MLIP: variants seen among roughly 807,000 people sequenced by gnomAD.
MLIP encodes muscular LMNA-interacting protein.
MLIP carries 79 observed loss-of-function variants against 84.8 expected under a neutral mutation model. That is an observed-to-expected ratio of 0.93 (90% CI 0.78 to 1.12). The LOEUF (loss-of-function observed/expected upper bound fraction) is 1.12, where lower values mean the gene tolerates loss of function less well. Among genes scored for constraint, MLIP ranks in the 50% most tolerant of loss-of-function variants. MLIP has a pLI of 0.00. For synonymous variants in MLIP, 504 were observed against 463.0 expected (o/e 1.09, Z -1.14); for missense variants, 1,257 against 1,160.6 (o/e 1.08, Z -1.21).
In MLIP at chr6:54,230,365, T is replaced by C. The variant is rs1780900355; in HGVS notation, c.2719-349T>C. Among the ~76,000 whole-genome samples, 4 of 152,284 alleles carry C rather than the reference T, an allele frequency of 2.6e-5. No homozygotes were observed. In the South Asian group the frequency reaches 8.3e-4, roughly 32 times the overall value. On this transcript the variant is annotated intron_variant, in intron 11 of 13. Transcript: ENST00000502396. ...TTTCCATGACTACCTACCTCTTCCA[T>C]GAAGATGTTCCTAACCCCAGCCCAC...
intron 1 of MLIP, among the ~76,000 whole-genome samples, chr6:54,057,309 G>T (rs559122276): frequency 6.6e-6 from 1 of 152,178 alleles, no homozygotes; most frequent in Non-Finnish European, 1.5e-5. Context: ...ACTTTGGAAG[G>T]TTTCTAAGTT....
At chr6:54,106,190 C>G (rs1355775050) in intron 1 of MLIP, among the ~76,000 whole-genome samples, 1 of 152,110 alleles carries the variant, frequency 6.6e-6, no homozygotes. Flanking sequence ...GAATGGATTC[C>G]TCTCTAGAGT....
chr6:54,124,989 A>G (rs1427449986), intron 3 of MLIP, 124 bp downstream of exon 3: 2 of 733,326 alleles, frequency 2.7e-6, no homozygotes, highest in Non-Finnish European at 4.1e-6. Context: ...AATATATTTA[A>G]AAAACCATTA....
chr6:54,190,997 A>G (rs952737204), intron 10 of MLIP, among the ~76,000 whole-genome samples: 4 of 151,722 alleles, frequency 2.6e-5, no homozygotes, highest in Non-Finnish European at 5.9e-5. Flanking sequence ...GGGTTTCACC[A>G]TTTAAGCCAG....
rs576345676 is a variant in MLIP at position 54,151,439 on chromosome 6, A to G, written c.2289+2312A>G. ...ACTTTATCTTAATGCCACTGAAATA[A>G]AAGGGATTTATTTCTGAATTGAGTG... is the stretch of plus-strand genomic sequence containing the variant. On this transcript the variant is annotated intron_variant, in intron 5 of 13. Coordinates refer to ENST00000502396, the MANE Select transcript of MLIP (RefSeq NM_001281747.2). Among the ~76,000 whole-genome samples, 30 of 152,258 alleles carry G rather than the reference A, an allele frequency of 2.0e-4. No individual in the cohort carries two copies. In the East Asian group the frequency reaches 5.2e-3, roughly 26 times the overall value.
intron 11 of MLIP, among the ~76,000 whole-genome samples, chr6:54,213,730 A>AC (rs1173867582): frequency 0.041 from 3,157 of 76,826 alleles, 740 homozygotes; most frequent in East Asian, 0.28. Flanking sequence ...AAAAAAAAAA[A>AC]AAAAAACAAC....
intron 1 of MLIP, among the ~76,000 whole-genome samples, chr6:54,047,787 G>A (rs73744127): frequency 0.027 from 4,150 of 152,318 alleles, 164 homozygotes; most frequent in African/African-American, 0.094. Flanking sequence ...ACTGTGCTAT[G>A]CACATAGATT....
intron 1 of MLIP, among the ~76,000 whole-genome samples, chr6:54,100,893 A>C (rs1013355503): frequency 1.3e-5 from 2 of 152,148 alleles, no homozygotes; most frequent in Non-Finnish European, 2.9e-5. Flanking sequence ...TTTGCCCAGG[A>C]TGAAAATTAC....
intron 9 of MLIP, among the ~76,000 whole-genome samples, chr6:54,172,922 TG>T (rs1402052012): frequency 6.6e-6 from 1 of 151,644 alleles, no homozygotes; most frequent in South Asian, 2.1e-4. Flanking sequence ...ATAATTTAAT[TG>T]AGATTCTTTT....
At chr6:54,040,182 T>C (rs1764664119) in intron 1 of MLIP, among the ~76,000 whole-genome samples, 1 of 152,018 alleles carries the variant, frequency 6.6e-6, no homozygotes, top group Non-Finnish European at 1.5e-5. Context: ...GATATTATTT[T>C]AGGTACTGAG....
intron 3 of MLIP, among the ~76,000 whole-genome samples, chr6:54,134,190 C>T (rs899081920): frequency 1.3e-5 from 2 of 152,124 alleles, no homozygotes; most frequent in African/African-American, 4.8e-5. Context: ...AGGACTGATT[C>T]TGAGCTACTG....
Position 54,124,605 on chromosome 6 carries a change from G to C in MLIP, c.385G>C (p.Gly129Arg). Residue 129 changes from glycine (G) to arginine (R), a missense_variant, in exon 3 of 14, where the codon GGG becomes CGG. Transcript: ENST00000502396. The stretch of plus-strand genomic sequence containing the variant: ...GGAATTCGAAGCAAACAAACTTCAA[G>C]GGATGCAGCAAAGTGACCTCTTCAA... ...EREFEANKLQGMQQSDLFKAE... is the reference protein window; with the variant it reads ...EREFEANKLQRMQQSDLFKAE... 6.2e-7 allele frequency: 1 copy of C among 1,614,180 alleles called. No homozygotes were observed. Among genetic ancestry groups the C allele is most frequent in the Middle Eastern group, 1.6e-4 (1 of 6,062 alleles).
intron 1 of MLIP, among the ~76,000 whole-genome samples, chr6:54,022,856 G>A (rs1763573451): frequency 6.6e-6 from 1 of 151,950 alleles, no homozygotes; most frequent in South Asian, 2.1e-4. Context: ...AATAATGAAT[G>A]TTCAGTAATA....
intron 11 of MLIP, among the ~76,000 whole-genome samples, 185 bp from the exon 12 acceptor site, chr6:54,230,529 A>T (rs1780916571): frequency 1.3e-5 from 2 of 152,104 alleles, no homozygotes; most frequent in Non-Finnish European, 2.9e-5. Flanking sequence ...GAATGAAAGG[A>T]ATTTTTGAAA....
At chr6:54,186,955 A>G (rs1354219943) in intron 9 of MLIP, among the ~76,000 whole-genome samples, 24 of 152,208 alleles carry the variant, frequency 1.6e-4, no homozygotes. Flanking sequence ...TAAGACCTAT[A>G]TGGGAATCTA....
At chr6:54,223,977 T>C (rs907607420) in intron 11 of MLIP, among the ~76,000 whole-genome samples, 6 of 151,822 alleles carry the variant, frequency 4.0e-5, no homozygotes, top group African/African-American at 1.4e-4. Context: ...AGAAGAGTAA[T>C]AAAGGTCAAC....
chr6:54,230,866 T>G lies in MLIP; in HGVS notation c.2871T>G (p.Ser957Arg), dbSNP rs775094914. The G allele has an allele frequency of 6.2e-7, 1 of 1,613,816 alleles. No individual in the cohort carries two copies. The highest frequency in any genetic ancestry group is 8.5e-7 in the Non-Finnish European group (1 of 1,179,956). Reference protein sequence around the residue: ...GPFSHLSFSLSDEQENSHTLL... With the variant: ...GPFSHLSFSLRDEQENSHTLL... ...TCAGTCATCTGTCCTTCTCCTTGAG[T>G]GATGAACAGGAGAATTCTCACACCC... is the stretch of plus-strand genomic sequence containing the variant. Residue 957 changes from serine (S) to arginine (R), a missense_variant, in exon 12 of 14, where the codon AGT (serine) becomes AGG (arginine). Coordinates refer to ENST00000502396, the MANE Select transcript of MLIP (RefSeq NM_001281747.2).
chr6:54,113,856 A>T (rs1024872668), intron 1 of MLIP, among the ~76,000 whole-genome samples: 5 of 152,098 alleles, frequency 3.3e-5, no homozygotes, highest in African/African-American at 1.2e-4. Context: ...CTCCTTACCT[A>T]TACAAACTGA....
rs923793168 is a variant in MLIP at position 54,120,531 on chromosome 6, T to G, written c.97-916T>G. ...TGGGATTACAGGCAGGAGCCACCGC[T>G]CCCGGCTGGTTTGTGACTTTTAAAA... On this transcript the variant is annotated intron_variant, in intron 1 of 13. Coordinates refer to ENST00000502396, the MANE Select transcript of MLIP (RefSeq NM_001281747.2). Among the ~76,000 whole-genome samples the G allele has an allele frequency of 1.7e-4, 26 of 152,192 alleles. No homozygotes were observed. The East Asian group carries it at 3.3e-3, about 19-fold the overall frequency.
Sources: gnomAD v4.1 joint callset for allele counts (sites outside exome capture counted in the v4.1 genomes callset) on GRCh38, gnomAD v4.1.1 for gene constraint, MANE v1.5 for transcripts, NCBI Gene and HGNC (gene_info 2026-07-23, HGNC 2026-07-21) for gene names.